PI4KB: variants seen among roughly 807,000 people sequenced by gnomAD.
The protein encoded by PI4KB is phosphatidylinositol 4-kinase beta.
In PI4KB, 23 loss-of-function variants were observed where a neutral mutation model predicts 81.4. The ratio of observed to expected loss-of-function variants is 0.28; its 90% CI spans 0.20 to 0.40. The LOEUF (loss-of-function observed/expected upper bound fraction) is 0.40. Among genes scored for constraint, PI4KB ranks in the 10% least tolerant of loss-of-function variants. The probability of loss-of-function intolerance (pLI) is 1.00; values close to 1 mark genes in which losing one functional copy is unlikely to be tolerated. For missense variants in PI4KB, 651 were observed against 1,036.6 expected (o/e 0.63, Z 5.11); for synonymous variants, 381 against 406.8 (o/e 0.94, Z 0.76).
At chr1:151,315,444 A>G (rs1243038452) in intron 2 of PI4KB, 129 bp downstream of exon 2, 2 of 704,992 alleles carry the variant, frequency 2.8e-6, no homozygotes, top group Non-Finnish European at 5.0e-6. Flanking sequence ...CTAACATTCC[A>G]TGCTTTTATC....
At chr1:151,309,457 T>C (rs1696031966) in intron 3 of PI4KB, among the ~76,000 whole-genome samples, 1 of 152,110 alleles carries the variant, frequency 6.6e-6, no homozygotes, top group Admixed American at 6.5e-5. Flanking sequence ...AGAAAACTGA[T>C]TTGATAGACA....
chr1:151,306,402 AC>A (rs1284793718), intron 4 of PI4KB, 39 bp from the exon 5 acceptor site: 4 of 1,287,720 alleles, frequency 3.1e-6, no homozygotes, highest in Admixed American at 1.7e-5. Flanking sequence ...ACTTACTTCC[AC>A]CACTAACCCC....
At chr1:151,303,326 CTT>C (rs1695467861) in intron 6 of PI4KB, 1 of 510,646 alleles carries the variant, frequency 2.0e-6, no homozygotes, top group African/African-American at 1.9e-5. Flanking sequence ...CCTTTGGAGT[CTT>C]TTTAAAATTT....
chr1:151,318,229 C>T (rs1243086517), intron 1 of PI4KB, among the ~76,000 whole-genome samples: 2 of 150,368 alleles, frequency 1.3e-5, no homozygotes, highest in African/African-American at 2.5e-5. Context: ...CCATCCTGGC[C>T]AACATGGTGA....
intron 2 of PI4KB, among the ~76,000 whole-genome samples, chr1:151,311,676 A>G (rs1696237539): frequency 6.6e-6 from 1 of 152,202 alleles, no homozygotes; most frequent in Non-Finnish European, 1.5e-5. Context: ...TCTGTCACAG[A>G]CAGGTCCTGT....
At chr1:151,310,740 C>T (rs1696152624) in intron 2 of PI4KB, among the ~76,000 whole-genome samples, 1 of 152,156 alleles carries the variant, frequency 6.6e-6, no homozygotes, top group Non-Finnish European at 1.5e-5. Context: ...TTTTGGAAAC[C>T]TCAGGGAGGA....
intron 1 of PI4KB, among the ~76,000 whole-genome samples, chr1:151,321,142 C>G (rs1313336444): frequency 6.6e-6 from 1 of 152,186 alleles, no homozygotes; most frequent in Non-Finnish European, 1.5e-5. Flanking sequence ...CAGACTCTCC[C>G]TCCCGGCAGC....
intron 2 of PI4KB, among the ~76,000 whole-genome samples, chr1:151,312,850 C>T (rs904327031): frequency 6.6e-6 from 1 of 152,068 alleles, no homozygotes; most frequent in Non-Finnish European, 1.5e-5. Context: ...CTCATCTTTA[C>T]AAAAAAATTT....
At chr1:151,311,637 T>C (rs1696233088) in intron 2 of PI4KB, among the ~76,000 whole-genome samples, 1 of 152,192 alleles carries the variant, frequency 6.6e-6, no homozygotes, top group Admixed American at 6.5e-5. Flanking sequence ...AGGCAAGATA[T>C]TGGCTCCCTG....
chr1:151,310,146 G>A, intron 3 of PI4KB, 65 bp downstream of exon 3: 1 of 1,170,984 alleles, frequency 8.5e-7, no homozygotes, highest in South Asian at 1.3e-5. Context: ...AGAAGACCTG[G>A]GGACGGAGAG....
chr1:151,315,614 T>G lies in PI4KB; in HGVS notation c.868A>C (p.Lys290Gln). 1 of 1,614,152 alleles carries G rather than the reference T, an allele frequency of 6.2e-7. No individual in the cohort carries two copies. The highest frequency in any genetic ancestry group is 8.5e-7 in the Non-Finnish European group (1 of 1,180,030). The change falls in exon 2 of 12, where the codon AAA becomes CAA. Residue 290 changes from lysine to glutamine, a missense_variant. By Grantham distance (53) the Lys-to-Gln change is moderately conservative. Transcript: ENST00000368873. ...TASISLSSNL[K>Q]RTASNPKVEN... The stretch of plus-strand genomic sequence containing the variant: ...ACTTTAGGGTTGCTGGCTGTTCGTT[T>G]CAGGTTGCTGCTGAGACTTATGCTG...
At chr1:151,307,471 C>G (rs1321254190) in intron 4 of PI4KB, 103 bp downstream of exon 4, 1 of 699,958 alleles carries the variant, frequency 1.4e-6, no homozygotes, top group Non-Finnish European at 2.6e-6. Context: ...TGAAGGGAGT[C>G]TAGGATGTTG....
intron 1 of PI4KB, 42 bp from the exon 2 acceptor site, chr1:151,316,551 C>A (rs1647975778): frequency 2.1e-6 from 3 of 1,398,102 alleles, no homozygotes; most frequent in Non-Finnish European, 2.9e-6. Context: ...AAGGGAGACA[C>A]ATACACACAT....
chr1:151,307,940 T>G, intron 3 of PI4KB, 139 bp from the exon 4 acceptor site: 1 of 641,180 alleles, frequency 1.6e-6, no homozygotes, highest in East Asian at 2.7e-5. Context: ...CTTTTTAGTC[T>G]TAGTAGGAGC....
intron 5 of PI4KB, 76 bp from the exon 6 acceptor site, chr1:151,303,726 C>A: frequency 1.1e-6 from 1 of 914,528 alleles, no homozygotes. Flanking sequence ...TGCTTGCTAT[C>A]ACTGCAGCAT....
intron 1 of PI4KB, among the ~76,000 whole-genome samples, chr1:151,318,324 G>A (rs1388727242): frequency 3.3e-5 from 5 of 151,798 alleles, no homozygotes; most frequent in South Asian, 2.1e-4. Flanking sequence ...GGCTGAGGCC[G>A]GAGAATTGCT....
intron 1 of PI4KB, among the ~76,000 whole-genome samples, chr1:151,322,308 T>C (rs1295254605): frequency 1.3e-5 from 2 of 152,206 alleles, no homozygotes; most frequent in Non-Finnish European, 2.9e-5. Flanking sequence ...ACAGAAGATA[T>C]ACACATATGT....
intron 2 of PI4KB, among the ~76,000 whole-genome samples, chr1:151,314,173 T>C (rs1424973168): frequency 6.6e-6 from 1 of 152,264 alleles, no homozygotes; most frequent in Non-Finnish European, 1.5e-5. Flanking sequence ...TTCCCTCTAT[T>C]TGAAAGAAGT....
chr1:151,313,069 A>G (rs1647356807), intron 2 of PI4KB, among the ~76,000 whole-genome samples: 1 of 152,134 alleles, frequency 6.6e-6, no homozygotes, highest in South Asian at 2.1e-4. Flanking sequence ...GAAGGAAGGA[A>G]GGAAGGAAGG....
Sources: gnomAD v4.1 joint callset for allele counts (sites outside exome capture counted in the v4.1 genomes callset) on GRCh38, gnomAD v4.1.1 for gene constraint, MANE v1.5 for transcripts, NCBI Gene and HGNC (gene_info 2026-07-23, HGNC 2026-07-21) for gene names.